APLF: variants seen among roughly 807,000 people sequenced by gnomAD.
The protein encoded by APLF is aprataxin and PNKP like factor.
Under a neutral mutation model 55.6 loss-of-function variants are expected in APLF, and 61 were observed. The ratio of observed to expected loss-of-function variants is 1.10; its 90% CI spans 0.89 to 1.36. The LOEUF (loss-of-function observed/expected upper bound fraction) is 1.36. Ranked by LOEUF, APLF falls within the 40% of genes most tolerant of loss-of-function variation. APLF has a pLI of 0.00. For missense variants in APLF, 611 were observed against 602.5 expected (o/e 1.01, Z -0.15); for synonymous variants, 207 against 214.8 (o/e 0.96, Z 0.32).
intron 8 of APLF, among the ~76,000 whole-genome samples, chr2:68,563,702 C>A (rs971835612): frequency 6.6e-6 from 1 of 152,046 alleles, no homozygotes; most frequent in Non-Finnish European, 1.5e-5. Context: ...CATTTAGTTA[C>A]TTGAGCATTT....
At chr2:68,474,559 A>G (rs536758873) in intron 1 of APLF, among the ~76,000 whole-genome samples, 4 of 152,270 alleles carry the variant, frequency 2.6e-5, no homozygotes, top group African/African-American at 9.6e-5. Context: ...ATGCCTTCAA[A>G]TTTTCATCCC....
At position 68,577,895 on chromosome 2, in the gene APLF, A is replaced by G; in HGVS notation, c.1409A>G (p.Asp470Gly). 3 of 1,613,658 alleles carry G rather than the reference A, an allele frequency of 1.9e-6. No individual in the cohort carries two copies. Among genetic ancestry groups the G allele is most frequent in the Non-Finnish European group, 2.5e-6 (3 of 1,179,700 alleles). Reference sequence around the variant, plus strand: ...TATGACCTGAACGACAGCTTTCTAGATGATGAGGAAGAAGACTATGAGCCA... The same window carrying G: ...TATGACCTGAACGACAGCTTTCTAGGTGATGAGGAAGAAGACTATGAGCCA... Reference protein sequence around the residue: ...NEYDLNDSFLDDEEEDYEPTD... With the variant: ...NEYDLNDSFLGDEEEDYEPTD... Residue 470 changes from aspartate (D) to glycine (G), a missense_variant, in exon 10 of 10, where the codon GAT becomes GGT. Physicochemically the swap from Asp to Gly is moderately conservative, Grantham distance 94. Coordinates refer to ENST00000303795, the MANE Select transcript of APLF (RefSeq NM_173545.3).
chr2:68,541,405 G>C (rs920638152), intron 7 of APLF, among the ~76,000 whole-genome samples: 2 of 151,922 alleles, frequency 1.3e-5, no homozygotes, highest in East Asian at 3.9e-4. Context: ...CAAAGAACTT[G>C]TATCAAAAAT....
At position 68,547,303 on chromosome 2, in the gene APLF, C is replaced by T. The variant is rs116522504; in HGVS notation, c.1286+1991C>T. Among the ~76,000 whole-genome samples, 837 of 151,762 alleles carry T rather than the reference C, an allele frequency of 5.5e-3. 4 individuals carry two copies. Among genetic ancestry groups the T allele is most frequent in the African/African-American group, 0.019 (800 of 41,490 alleles). ...TGAATTATTCAGTAGTGTCAAAATACCAGTTTTCCTCAAATGGATTTGTAT... is the reference window on the plus strand; with the variant it reads ...TGAATTATTCAGTAGTGTCAAAATATCAGTTTTCCTCAAATGGATTTGTAT... On this transcript the variant is annotated intron_variant, in intron 8 of 9. Transcript: ENST00000303795.
intron 1 of APLF, among the ~76,000 whole-genome samples, chr2:68,474,973 C>T (rs1675727952): frequency 6.6e-6 from 1 of 152,156 alleles, no homozygotes; most frequent in South Asian, 2.1e-4. Context: ...TGGGTAGTAT[C>T]TGTATTTTTA....
At chr2:68,506,102 T>C (rs952618885) in intron 3 of APLF, among the ~76,000 whole-genome samples, 1 of 151,906 alleles carries the variant, frequency 6.6e-6, no homozygotes, top group African/African-American at 2.4e-5. Context: ...GACCAAAATA[T>C]GTATTTCTTA....
rs1670037320 is a variant in APLF, at chr2:68,526,066, G to A, written c.628G>A (p.Val210Ile). 1 of 1,611,702 alleles carries A rather than the reference G, an allele frequency of 6.2e-7. No individual in the cohort carries two copies. The change falls in exon 6 of 10, where the codon GTA becomes ATA. Residue 210 changes from valine (V) to isoleucine (I), a missense_variant. By Grantham distance (29) the Val-to-Ile change is conservative (BLOSUM62 3). Coordinates refer to ENST00000303795, the MANE Select transcript of APLF (RefSeq NM_173545.3). ...LSVPAISGGN[V>I]IQGSGKEEIC... is the part of the protein sequence containing the mutation. ...TTTTTCTTTATGTGTTTAAGGTAAT[G>A]TAATCCAGGGAAGTGGAAAAGAAGA...
At chr2:68,544,339 ACT>A (rs1670640080) in intron 7 of APLF, among the ~76,000 whole-genome samples, 1 of 151,842 alleles carries the variant, frequency 6.6e-6, no homozygotes, top group Non-Finnish European at 1.5e-5. Flanking sequence ...ACTGCCATTC[ACT>A]CTCTCACAAG....
chr2:68,488,632 T>C (rs1648517242), intron 1 of APLF, among the ~76,000 whole-genome samples: 1 of 152,068 alleles, frequency 6.6e-6, no homozygotes, highest in South Asian at 2.1e-4. Context: ...CCCTGCCTAT[T>C]ACCTATTTTT....
intron 6 of APLF, 54 bp from the exon 7 acceptor site, chr2:68,537,818 A>G (rs948321936): frequency 8.3e-6 from 11 of 1,327,818 alleles, no homozygotes; most frequent in Middle Eastern, 2.4e-4. Context: ...TTATGCTCAT[A>G]TCTTTTTAAA....
intron 1 of APLF, among the ~76,000 whole-genome samples, chr2:68,469,563 C>T (rs1262270731): frequency 2.6e-5 from 4 of 152,028 alleles, no homozygotes; most frequent in Admixed American, 6.6e-5. Context: ...CCAAGGTTGG[C>T]GTGTATCAGA....
At chr2:68,560,735 G>A (rs1289523756) in intron 8 of APLF, among the ~76,000 whole-genome samples, 2 of 152,002 alleles carry the variant, frequency 1.3e-5, no homozygotes, top group Non-Finnish European at 2.9e-5. Flanking sequence ...TACAGAAAAT[G>A]CCATTTGAGA....
intron 1 of APLF, among the ~76,000 whole-genome samples, chr2:68,468,100 A>G (rs1277909233): frequency 6.6e-6 from 1 of 152,242 alleles, no homozygotes; most frequent in Admixed American, 6.5e-5. Context: ...CTATGTTTGT[A>G]TGGCCCCATG....
At chr2:68,475,308 A>G (rs1675737749) in intron 1 of APLF, among the ~76,000 whole-genome samples, 1 of 152,182 alleles carries the variant, frequency 6.6e-6, no homozygotes, top group South Asian at 2.1e-4. Context: ...GATGAGTTGA[A>G]ATTTCAGTGA....
At chr2:68,496,223 T>C (rs1676542049) in intron 2 of APLF, among the ~76,000 whole-genome samples, 1 of 152,198 alleles carries the variant, frequency 6.6e-6, no homozygotes, top group African/African-American at 2.4e-5. Flanking sequence ...TGCCTCAGCC[T>C]CCCAAGTAGC....
rs1278047886 is a variant in APLF, at chr2:68,545,225, G to A, written c.1199G>A (p.Gly400Asp). Reference protein sequence around the residue: ...PVHFQHFSHPGDSDYGGVQIV... With the variant: ...PVHFQHFSHPDDSDYGGVQIV... ...CATTTTCAACATTTTAGCCATCCTG[G>A]TGATAGTGATTATGGAGGTGTACAA... Residue 400 changes from glycine (G) to aspartate (D), a missense_variant, in exon 8 of 10, where the codon GGT becomes GAT. Coordinates refer to ENST00000303795, the MANE Select transcript of APLF (RefSeq NM_173545.3). 3.7e-6 allele frequency: 6 copies of A among 1,613,616 alleles called. No individual in the cohort carries two copies. The highest frequency in any genetic ancestry group is 1.7e-5 in the Admixed American group (1 of 59,964).
intron 7 of APLF, among the ~76,000 whole-genome samples, chr2:68,543,552 A>G (rs1670617061): frequency 1.3e-5 from 2 of 152,200 alleles, no homozygotes; most frequent in African/African-American, 4.8e-5. Flanking sequence ...ATATTTATCA[A>G]ACCTGAGCAT....
rs368149308 is a variant in APLF, at chr2:68,518,802, T to TGTC, written c.622+5122_622+5123insGTC. On this transcript the variant is annotated intron_variant, in intron 5 of 9. Coordinates refer to ENST00000303795, the MANE Select transcript of APLF (RefSeq NM_173545.3). ...ATTATATAATAAAATATTAATAATC[T>TGTC]ATCATATAATAAAATATTAGTAATA... Among the ~76,000 whole-genome samples the TGTC allele has an allele frequency of 5.1e-3, 110 of 21,598 alleles. 1 individual carries two copies. Among genetic ancestry groups the TGTC allele is most frequent in the South Asian group, 0.013 (8 of 638 alleles). The allele number at this position is 21,598 out of a possible 152,430, so 14.2% of individuals were successfully genotyped here. A position where few individuals can be genotyped will look rare whatever the true frequency, so the allele number is the denominator to read the frequency against.
chr2:68,503,022 A>ATGTGTGTG, intron 3 of APLF, 119 bp downstream of exon 3: 1 of 1,068,518 alleles, frequency 9.4e-7, no homozygotes, highest in Non-Finnish European at 1.4e-6. Context: ...TAGGTGTGTA[A>ATGTGTGTG]TGTGTGTGTA....
Sources: gnomAD v4.1 joint callset for allele counts (sites outside exome capture counted in the v4.1 genomes callset) on GRCh38, gnomAD v4.1.1 for gene constraint, MANE v1.5 for transcripts, NCBI Gene and HGNC (gene_info 2026-07-23, HGNC 2026-07-21) for gene names.